MSTO1: variants seen among roughly 807,000 people sequenced by gnomAD.
MSTO1 encodes the protein protein misato homolog 1.
Under a neutral mutation model 55.7 loss-of-function variants are expected in MSTO1, and 24 were observed. The observed-to-expected ratio is 0.43, with a 90% confidence interval of 0.31 to 0.61. The LOEUF (loss-of-function observed/expected upper bound fraction) is 0.61. MSTO1 is among the 20% of genes least tolerant of loss of function. The probability of loss-of-function intolerance (pLI) is 0.09; values close to 1 mark genes in which losing one functional copy is unlikely to be tolerated. For missense variants in MSTO1, 363 were observed against 625.7 expected, an observed-to-expected ratio of 0.58 and a Z score of 4.48; for synonymous variants, 162 against 252.8, an observed-to-expected ratio of 0.64 and a Z score of 3.41.
At chr1:155,608,664 G>A (rs779418590), upstream of MSTO1, among the ~76,000 whole-genome samples, 11 of 151,532 alleles carry the variant, frequency 7.3e-5, no homozygotes, top group African/African-American at 1.9e-4. Context: ...CACCACGCCC[G>A]GCTAATTGTT....
the MSTO1 span, among the ~76,000 whole-genome samples, chr1:155,595,300 C>T: frequency 1.3e-5 from 2 of 151,412 alleles, no homozygotes; most frequent in African/African-American, 4.8e-5. Context: ...ACCTCAGCCT[C>T]CCGAGCAACT....
At chr1:155,612,768 C>G in intron 9 of MSTO1, 76 bp from the exon 10 acceptor site, 1 of 1,575,176 alleles carries the variant, frequency 6.3e-7, no homozygotes, top group South Asian at 1.1e-5. Context: ...CTGGGTCTCT[C>G]TGGTGTTAAT....
the MSTO1 span, among the ~76,000 whole-genome samples, chr1:155,569,696 C>G: frequency 2.0e-5 from 3 of 152,054 alleles, no homozygotes; most frequent in Non-Finnish European, 4.4e-5. Context: ...CTCAATCTCC[C>G]AAAGTGCTGA....
At chr1:155,563,593 T>G in the MSTO1 span, 1 of 456,446 alleles carries the variant, frequency 2.2e-6, no homozygotes, top group Non-Finnish European at 4.4e-6. Flanking sequence ...CACTTACTCA[T>G]GGATGGTACT....
At chr1:155,583,291 G>A in the MSTO1 span, among the ~76,000 whole-genome samples, 1 of 148,636 alleles carries the variant, frequency 6.7e-6, no homozygotes, top group Non-Finnish European at 1.5e-5. Context: ...TGCAATCCCA[G>A]CACTTTGGGA....
chr1:155,571,790 G>C, the MSTO1 span, among the ~76,000 whole-genome samples: 1 of 152,128 alleles, frequency 6.6e-6, no homozygotes, highest in Non-Finnish European at 1.5e-5. Flanking sequence ...GCTTACGCCT[G>C]TAATCCCAGC....
chr1:155,568,020 A>G, the MSTO1 span, among the ~76,000 whole-genome samples: 50 of 151,854 alleles, frequency 3.3e-4, no homozygotes, highest in Non-Finnish European at 5.6e-4. Context: ...CCTGGGCAAC[A>G]AGAGCGAAAC....
At chr1:155,580,031 G>A in the MSTO1 span, among the ~76,000 whole-genome samples, 3 of 150,866 alleles carry the variant, frequency 2.0e-5, no homozygotes, top group East Asian at 4.0e-4. Context: ...AGCCGAGATC[G>A]GGCCACTGCC....
chr1:155,572,850 A>G, the MSTO1 span, among the ~76,000 whole-genome samples: 1 of 151,692 alleles, frequency 6.6e-6, no homozygotes, highest in Non-Finnish European at 1.5e-5. Flanking sequence ...GGGTTTCTCC[A>G]TGTTGGTCAG....
chr1:155,599,159 CA>C, the MSTO1 span, among the ~76,000 whole-genome samples: 2 of 150,104 alleles, frequency 1.3e-5, no homozygotes, highest in Non-Finnish European at 3.0e-5. Context: ...GCCTGGGCGA[CA>C]AAACAAGACG....
At chr1:155,603,773 G>T in the MSTO1 span, among the ~76,000 whole-genome samples, 1 of 151,790 alleles carries the variant, frequency 6.6e-6, no homozygotes, top group African/African-American at 2.4e-5. Context: ...CAGGAGAATC[G>T]CTTGAACCTG....
the MSTO1 span, among the ~76,000 whole-genome samples, chr1:155,576,552 C>A: frequency 6.6e-6 from 1 of 150,766 alleles, no homozygotes; most frequent in Non-Finnish European, 1.5e-5. Context: ...GTCTCGATAT[C>A]TTGACCTTGT....
the MSTO1 span, among the ~76,000 whole-genome samples, chr1:155,603,062 G>A: frequency 2.0e-5 from 3 of 151,986 alleles, no homozygotes; most frequent in Middle Eastern, 0.01. Context: ...AAGCAGAAAT[G>A]GATTAGAAAG....
chr1:155,599,972 A>T, the MSTO1 span, among the ~76,000 whole-genome samples: 1 of 152,212 alleles, frequency 6.6e-6, no homozygotes. Context: ...ATCGGGTTTT[A>T]TACCGAGACA....
the MSTO1 span, among the ~76,000 whole-genome samples, chr1:155,576,589 T>G: frequency 5.3e-5 from 8 of 152,004 alleles, no homozygotes; most frequent in Non-Finnish European, 1.0e-4. Flanking sequence ...CCTCCCAAAG[T>G]GCTGGGATTA....
chr1:155,586,156 A>G, the MSTO1 span, among the ~76,000 whole-genome samples: 18 of 138,588 alleles, frequency 1.3e-4, no homozygotes, highest in Non-Finnish European at 2.4e-4. Context: ...CTTTATTTCT[A>G]TTTCTCAGTG....
chr1:155,582,521 A>T, the MSTO1 span, among the ~76,000 whole-genome samples: 1 of 151,716 alleles, frequency 6.6e-6, no homozygotes, highest in African/African-American at 2.4e-5. Context: ...GTGCAGTGGC[A>T]CGATCTCGGC....
At chr1:155,612,655 T>C in intron 9 of MSTO1, 85 bp downstream of exon 9, 1 of 1,504,532 alleles carries the variant, frequency 6.6e-7, no homozygotes, top group Non-Finnish European at 9.0e-7. Context: ...TTACTGGCTC[T>C]GTTCTTGAGG....
At chr1:155,591,224 C>G in the MSTO1 span, 6 of 1,610,922 alleles carry the variant, frequency 3.7e-6, no homozygotes, top group African/African-American at 8.0e-5. Flanking sequence ...CCAGCAGTGT[C>G]AGGACGACTC....
Sources: allele counts gnomAD v4.1 joint callset (sites outside exome capture counted in the v4.1 genomes callset), GRCh38; gene constraint gnomAD v4.1.1; transcripts MANE v1.5; gene names NCBI Gene and HGNC (gene_info 2026-07-23, HGNC 2026-07-21).